The following EZR variants were observed in gnomAD, a reference collection of about 807,000 sequenced individuals.
The protein encoded by EZR is ezrin, also known as cytovillin 2.
A neutral mutation model predicts 74.8 loss-of-function variants in EZR; 40 were observed. The observed-to-expected ratio is 0.53, with a 90% CI of 0.42 to 0.70. EZR has a LOEUF of 0.70. EZR is among the 30% of genes least tolerant of loss of function. The probability of loss-of-function intolerance (pLI) is 0.00; values close to 1 mark genes in which losing one functional copy is unlikely to be tolerated. For missense variants in EZR, 678 were observed against 755.8 expected (o/e 0.90, Z 1.21); for synonymous variants, 341 against 283.3 (o/e 1.20, Z -2.05).
intron 2 of EZR, 83 bp downstream of exon 2, chr6:158,817,985 CCTGTTCCCCAGGAA>C: frequency 2.4e-6 from 3 of 1,250,712 alleles, no homozygotes; most frequent in Non-Finnish European, 3.3e-6. Flanking sequence ...TGAGAAGAAC[CCTGTTCCCCAGGAA>C]CTGCCCCAAC....
At chr6:158,795,316 G>A (rs1194443312) in intron 2 of EZR, among the ~76,000 whole-genome samples, 1 of 152,120 alleles carries the variant, frequency 6.6e-6, no homozygotes, top group Non-Finnish European at 1.5e-5. Flanking sequence ...GCTCAGGCCT[G>A]TAATCGCAGG....
chr6:158,780,182 CAAAAAA>C (rs67002848), intron 7 of EZR, among the ~76,000 whole-genome samples: 1 of 127,198 alleles, frequency 7.9e-6, no homozygotes. Context: ...GATTCCATAT[CAAAAAA>C]AAAAAAAAAA....
intron 2 of EZR, among the ~76,000 whole-genome samples, chr6:158,800,047 G>A (rs1777158246): frequency 6.6e-6 from 1 of 152,130 alleles, no homozygotes. Context: ...TGGTTAGAAT[G>A]CCCAAGTTTT....
intron 7 of EZR, among the ~76,000 whole-genome samples, chr6:158,777,921 AAC>A (rs375971632): frequency 1.9e-4 from 29 of 152,294 alleles, no homozygotes; most frequent in African/African-American, 7.0e-4. Context: ...ATTAAAAAAA[AAC>A]ACACCTGGCA....
rs758131251 is a variant in EZR, at chr6:158,767,549, A to G, written c.1345-37T>C. On this transcript the variant is annotated intron_variant, in intron 12 of 13. Transcript: ENST00000367075. ...AAATTAATAAGAGGACTTCTCACCC[A>G]GAAGTCCTATCCTCCTGGCTATGAG... The G allele has an allele frequency of 6.5e-6, 10 of 1,542,094 alleles. No individual in the cohort carries two copies. In the Admixed American group the frequency reaches 1.8e-4, roughly 27 times the overall value.
In EZR at chr6:158,785,522, T is replaced by A; in HGVS notation, c.254A>T (p.Tyr85Phe). Residue 85 changes from tyrosine to phenylalanine, a missense_variant, in exon 5 of 14, where the codon TAC becomes TTC. Physicochemically the swap from Tyr to Phe is conservative, Grantham distance 22. Transcript: ENST00000367075. ...PLQFKFRAKFYPEDVAEELIQ... is the reference protein window; with the variant it reads ...PLQFKFRAKFFPEDVAEELIQ... ...GAGCTCCTCAGCCACATCTTCAGGG[T>A]AGAACTTGGCCCGGAACTTGAACTG... 9 of 1,614,108 alleles carry A rather than the reference T, an allele frequency of 5.6e-6. No individual in the cohort carries two copies. The highest frequency in any genetic ancestry group is 7.6e-6 in the Non-Finnish European group (9 of 1,180,018).
At chr6:158,794,759 A>G (rs1243412706) in intron 2 of EZR, among the ~76,000 whole-genome samples, 5 of 152,156 alleles carry the variant, frequency 3.3e-5, no homozygotes, top group Non-Finnish European at 5.9e-5. Context: ...AAAAAGGGCA[A>G]TATTTCTCCC....
At chr6:158,790,953 T>TA (rs1346696091) in intron 2 of EZR, among the ~76,000 whole-genome samples, 2 of 152,198 alleles carry the variant, frequency 1.3e-5, no homozygotes, top group Non-Finnish European at 2.9e-5. Context: ...AACACAGGTG[T>TA]AAATGTAATA....
At chr6:158,811,892 C>A (rs556649512) in intron 2 of EZR, among the ~76,000 whole-genome samples, 1 of 122,440 alleles carries the variant, frequency 8.2e-6, no homozygotes, top group African/African-American at 2.9e-5. Context: ...AAAAAATTCA[C>A]ATTATTTCAT....
At chr6:158,792,293 C>A (rs1166181825) in intron 2 of EZR, among the ~76,000 whole-genome samples, 3 of 151,122 alleles carry the variant, frequency 2.0e-5, no homozygotes, top group Non-Finnish European at 4.4e-5. Flanking sequence ...AGCACTGCAA[C>A]CTCTGCCTCC....
chr6:158,773,137 G>A (rs1791169851), intron 8 of EZR, among the ~76,000 whole-genome samples: 1 of 152,156 alleles, frequency 6.6e-6, no homozygotes, highest in South Asian at 2.1e-4. Context: ...TACCAAATAG[G>A]CCCTGACTCA....
At chr6:158,806,171 G>A (rs1396450692) in intron 2 of EZR, among the ~76,000 whole-genome samples, 2 of 152,136 alleles carry the variant, frequency 1.3e-5, no homozygotes, top group Non-Finnish European at 2.9e-5. Flanking sequence ...GAGATGGCCC[G>A]GGTGGGGCCA....
chr6:158,771,207 A>T (rs1297421965), intron 9 of EZR, 37 bp downstream of exon 9: 2 of 1,570,970 alleles, frequency 1.3e-6, no homozygotes, highest in South Asian at 1.2e-5. Flanking sequence ...GAGTTGGGAG[A>T]ACACAGGCCC....
intron 2 of EZR, among the ~76,000 whole-genome samples, chr6:158,794,303 C>CCACCAG (rs960134177): frequency 1.7e-4 from 26 of 152,168 alleles, no homozygotes; most frequent in South Asian, 1.0e-3. Flanking sequence ...ACCAGCACTA[C>CCACCAG]CACCAGCACC....
intron 2 of EZR, among the ~76,000 whole-genome samples, chr6:158,799,369 C>T (rs1777144504): frequency 6.6e-6 from 1 of 152,198 alleles, no homozygotes; most frequent in African/African-American, 2.4e-5. Context: ...CGGCAGGGGG[C>T]AGAACCTGCC....
chr6:158,808,104 G>C (rs1777381339), intron 2 of EZR, among the ~76,000 whole-genome samples: 1 of 152,190 alleles, frequency 6.6e-6, no homozygotes, highest in Non-Finnish European at 1.5e-5. Context: ...TGGTTGTACA[G>C]GTGTACCTAA....
In EZR at chr6:158,769,931, C is replaced by T. The variant is rs1470738435; in HGVS notation, c.1104G>A (p.Gln368=). The T allele has an allele frequency of 6.2e-7, 1 of 1,611,170 alleles. No individual in the cohort carries two copies. Among genetic ancestry groups the T allele is most frequent in the East Asian group, 2.2e-5 (1 of 44,876 alleles). ...TKKAERELSE[Q]IQRALQLEEE... ...CCTCCAGCTGCAGGGCCCTCTGAATCTGCTCCGAGAGCTCTGCAAAGACAC... is the reference window on the plus strand; with the variant it reads ...CCTCCAGCTGCAGGGCCCTCTGAATTTGCTCCGAGAGCTCTGCAAAGACAC... Residue 368 remains glutamine, a synonymous_variant, in exon 11 of 14, where the codon CAG becomes CAA. Coordinates refer to ENST00000367075, the MANE Select transcript of EZR (RefSeq NM_001111077.2).
intron 2 of EZR, among the ~76,000 whole-genome samples, chr6:158,813,054 C>A (rs1313297555): frequency 1.3e-5 from 2 of 152,172 alleles, no homozygotes; most frequent in African/African-American, 4.8e-5. Flanking sequence ...CAAATCTGAT[C>A]ATGTCACCTC....
intron 3 of EZR, 123 bp from the exon 4 acceptor site, chr6:158,787,326 C>T: frequency 1.6e-6 from 1 of 642,270 alleles, no homozygotes; most frequent in Admixed American, 3.0e-5. Flanking sequence ...TCTGCTCAGT[C>T]CAACCACTGG....
Sources: allele counts gnomAD v4.1 joint callset (sites outside exome capture counted in the v4.1 genomes callset), GRCh38; gene constraint gnomAD v4.1.1; transcripts MANE v1.5; gene names NCBI Gene and HGNC (gene_info 2026-07-23, HGNC 2026-07-21).